The following RARS2 variants were observed in gnomAD, a reference collection of about 807,000 sequenced individuals.
RARS2 encodes the protein arginyl-tRNA synthetase 2, mitochondrial.
A neutral mutation model predicts 88.5 loss-of-function variants in RARS2; 67 were observed. The observed-to-expected ratio is 0.76, with a 90% confidence interval of 0.62 to 0.93. RARS2 has a LOEUF of 0.93. Ranked by LOEUF, RARS2 falls within the 40% of genes least tolerant of loss-of-function variation. The pLI, the probability that RARS2 is intolerant of heterozygous loss-of-function variation, is 0.00. For synonymous variants in RARS2, 239 were observed against 230.3 expected (o/e 1.04, Z -0.34); for missense variants, 664 against 684.2 (o/e 0.97, Z 0.33).
intron 7 of RARS2, among the ~76,000 whole-genome samples, chr6:87,545,101 C>A (rs1782203730): frequency 1.3e-5 from 2 of 152,316 alleles, no homozygotes; most frequent in African/African-American, 4.8e-5. Context: ...AGGTCTTACT[C>A]TGGGGTTTCT....
At chr6:87,530,761 C>T in intron 9 of RARS2, 23 bp downstream of exon 9, 2 of 1,613,580 alleles carry the variant, frequency 1.2e-6, no homozygotes, top group Non-Finnish European at 1.7e-6. Flanking sequence ...CATGGGAAAG[C>T]AGAAGGGAGG....
intron 17 of RARS2, among the ~76,000 whole-genome samples, chr6:87,517,607 CAAAG>C (rs755964606): frequency 1.8e-4 from 28 of 152,128 alleles, no homozygotes; most frequent in African/African-American, 6.3e-4. Flanking sequence ...ATATGGCAAT[CAAAG>C]AAAACCACCT....
chr6:87,534,299 T>C (rs1382011012), intron 8 of RARS2, among the ~76,000 whole-genome samples: 1 of 152,212 alleles, frequency 6.6e-6, no homozygotes, highest in Non-Finnish European at 1.5e-5. Context: ...TCCTCCTTAA[T>C]ACATTAGTAG....
chr6:87,542,649 T>TAA (rs201517971), intron 7 of RARS2, among the ~76,000 whole-genome samples: 9 of 111,902 alleles, frequency 8.0e-5, no homozygotes, highest in Non-Finnish European at 1.5e-4. Context: ...AATTTGAACC[T>TAA]AAAAAAAAAA....
chr6:87,544,779 G>A (rs891941421), intron 7 of RARS2, among the ~76,000 whole-genome samples: 5 of 139,504 alleles, frequency 3.6e-5, no homozygotes, highest in East Asian at 2.1e-4. Flanking sequence ...TGTTTGGATC[G>A]CACTCCTCTC....
At chr6:87,584,824 C>G (rs1376462908) in intron 1 of RARS2, 1 of 423,660 alleles carries the variant, frequency 2.4e-6, no homozygotes, top group Non-Finnish European at 4.7e-6. Context: ...CCCAGGGCTT[C>G]TCTATGGTAT....
intron 5 of RARS2, among the ~76,000 whole-genome samples, chr6:87,550,667 A>G (rs757916540): frequency 6.7e-4 from 102 of 151,654 alleles, no homozygotes; most frequent in Admixed American, 1.6e-3. Context: ...ATATGTTTAA[A>G]TAAGTATTGT....
intron 1 of RARS2, 142 bp from the exon 2 acceptor site, chr6:87,569,732 C>G (rs1769046765): frequency 1.4e-6 from 1 of 720,718 alleles, no homozygotes; most frequent in Non-Finnish European, 2.4e-6. Context: ...AAGCCAGATT[C>G]AAAAAGGTAT....
At chr6:87,528,063 T>TA (rs55794237) in intron 10 of RARS2, among the ~76,000 whole-genome samples, 206 of 129,012 alleles carry the variant, frequency 1.6e-3, no homozygotes, top group African/African-American at 2.0e-3. Context: ...CCTGGGAACA[T>TA]AAAAAAAAAA....
At chr6:87,542,828 G>T (rs4385279) in intron 7 of RARS2, among the ~76,000 whole-genome samples, 3 of 146,842 alleles carry the variant, frequency 2.0e-5, no homozygotes, top group East Asian at 4.1e-4. Flanking sequence ...TAGTTGGGAG[G>T]CGGGAGGGAT....
At chr6:87,522,864 C>T (rs1322598188) in intron 11 of RARS2, among the ~76,000 whole-genome samples, 4 of 152,180 alleles carry the variant, frequency 2.6e-5, no homozygotes, top group Admixed American at 1.3e-4. Flanking sequence ...CCTGCTTTGG[C>T]TTCCCAAAGT....
At chr6:87,553,873 T>C (rs902544373) in intron 5 of RARS2, among the ~76,000 whole-genome samples, 18 of 152,276 alleles carry the variant, frequency 1.2e-4, no homozygotes, top group Non-Finnish European at 1.9e-4. Flanking sequence ...TCCATAGGAG[T>C]AGAAGCTTAA....
chr6:87,521,639 C>A, intron 11 of RARS2, 115 bp from the exon 12 acceptor site: 1 of 764,262 alleles, frequency 1.3e-6, no homozygotes, highest in Non-Finnish European at 2.3e-6. Flanking sequence ...TATACCACAG[C>A]CTGAGGAATT....
intron 1 of RARS2, 45 bp from the exon 2 acceptor site, chr6:87,569,635 T>C (rs774473171): frequency 2.9e-5 from 42 of 1,464,520 alleles, no homozygotes; most frequent in Middle Eastern, 1.7e-4. Flanking sequence ...GTTCACATAT[T>C]TGTTCCATTC....
intron 8 of RARS2, 138 bp downstream of exon 8, chr6:87,541,779 GC>G: frequency 9.4e-5 from 59 of 624,776 alleles, no homozygotes; most frequent in Non-Finnish European, 1.6e-4. Flanking sequence ...AGCTGAGATT[GC>G]ACCACTGCAC....
At chr6:87,547,172 A>G (rs574058631) in intron 6 of RARS2, among the ~76,000 whole-genome samples, 69 of 152,338 alleles carry the variant, frequency 4.5e-4, no homozygotes, top group African/African-American at 1.4e-3. Context: ...ACTGGTCCAA[A>G]TATTTCCCTC....
At chr6:87,528,524 A>G (rs1241609281) in intron 10 of RARS2, among the ~76,000 whole-genome samples, 1 of 152,246 alleles carries the variant, frequency 6.6e-6, no homozygotes, top group South Asian at 2.1e-4. Context: ...ATAGATGAGT[A>G]GACTTTAAAA....
intron 11 of RARS2, among the ~76,000 whole-genome samples, chr6:87,523,188 A>G (rs951302151): frequency 6.6e-6 from 1 of 152,222 alleles, no homozygotes; most frequent in African/African-American, 2.4e-5. Context: ...AAAAAACAAA[A>G]AAGAATAAGA....
At chr6:87,521,357 T>C in intron 12 of RARS2, 107 bp downstream of exon 12, 1 of 877,704 alleles carries the variant, frequency 1.1e-6, no homozygotes, top group Non-Finnish European at 1.9e-6. Context: ...ATACTTAATG[T>C]TGACTTCTCT....
Sources: allele counts gnomAD v4.1 joint callset (sites outside exome capture counted in the v4.1 genomes callset), GRCh38; gene constraint gnomAD v4.1.1; transcripts MANE v1.5; gene names NCBI Gene and HGNC (gene_info 2026-07-23, HGNC 2026-07-21).